Variants in PKHD1L1 observed in about 807,000 individuals in gnomAD.
PKHD1L1 encodes the protein fibrocystin-L.
Under a neutral mutation model 462.9 loss-of-function variants are expected in PKHD1L1, and 434 were observed. That is an observed-to-expected ratio of 0.94 (90% CI 0.87 to 1.02). The LOEUF is 1.02. Ranked by LOEUF, PKHD1L1 falls within the 50% of genes least tolerant of loss-of-function variation. The pLI is 0.00. For synonymous variants in PKHD1L1, 1,781 were observed against 1,750.0 expected (o/e 1.02, Z -0.44); for missense variants, 5,202 against 5,096.1 (o/e 1.02, Z -0.63).
intron 2 of PKHD1L1, among the ~76,000 whole-genome samples, chr8:109,377,591 T>A (rs1021816278): frequency 6.6e-6 from 1 of 152,180 alleles, no homozygotes; most frequent in African/African-American, 2.4e-5. Context: ...ATTCACATAC[T>A]GTTAGAATTC....
At chr8:109,392,600 C>T (rs1208751128) in intron 9 of PKHD1L1, among the ~76,000 whole-genome samples, 1 of 151,428 alleles carries the variant, frequency 6.6e-6, no homozygotes, top group Non-Finnish European at 1.5e-5. Context: ...TTTAAGATAA[C>T]AGAAATATGA....
intron 29 of PKHD1L1, among the ~76,000 whole-genome samples, chr8:109,435,659 C>T (rs963217976): frequency 6.6e-6 from 1 of 152,164 alleles, no homozygotes; most frequent in South Asian, 2.1e-4. Context: ...TATTATTCTG[C>T]TTACCAGCTG....
chr8:109,480,125 T>G lies in PKHD1L1; in HGVS notation c.9313T>G (p.Tyr3105Asp), dbSNP rs774217185. The G allele has an allele frequency of 1.3e-6, 2 of 1,568,462 alleles. No homozygotes were observed. The highest frequency in any genetic ancestry group is 3.8e-5 in the Admixed American group (2 of 52,788). Residue 3105 changes from tyrosine (Y) to aspartate (D), a missense_variant, in exon 55 of 78, where the codon TAC becomes GAC. This residue lies in a region of PKHD1L1 where 4,497 missense variants were observed against 4,336.8 expected (regional missense o/e 1.04). Coordinates refer to ENST00000378402, the MANE Select transcript of PKHD1L1 (RefSeq NM_177531.6). ...SYREVVLNAT[Y>D]ISLQGGRLIG... ...CAGAGAAGTTGTTTTGAATGCTACC[T>G]ACATATCACTGCAGGTAAGAGTGAG... is the stretch of plus-strand genomic sequence containing the variant.
At chr8:109,396,567 C>T (rs1335659933) in intron 11 of PKHD1L1, among the ~76,000 whole-genome samples, 2 of 152,166 alleles carry the variant, frequency 1.3e-5, no homozygotes, top group Admixed American at 6.5e-5. Context: ...ATATACTGTG[C>T]CTCATCTGGA....
intron 33 of PKHD1L1, 107 bp downstream of exon 33, chr8:109,440,959 T>C (rs1785207251): frequency 1.5e-6 from 2 of 1,328,124 alleles, no homozygotes; most frequent in Non-Finnish European, 2.0e-6. Context: ...GCTTTATTTT[T>C]CTAGTAGCAT....
At chr8:109,375,070 C>T (rs1316478744) in intron 2 of PKHD1L1, among the ~76,000 whole-genome samples, 3 of 152,184 alleles carry the variant, frequency 2.0e-5, no homozygotes, top group Non-Finnish European at 4.4e-5. Context: ...TGGGGAAGTT[C>T]TCCTGGATAA....
chr8:109,408,302 C>A (rs1324246096), intron 18 of PKHD1L1, 96 bp downstream of exon 18: 4 of 1,114,940 alleles, frequency 3.6e-6, no homozygotes, highest in East Asian at 2.7e-5. Flanking sequence ...GATGTTACTT[C>A]AAAAAAAATC....
At chr8:109,514,231 C>T (rs909981996) in intron 71 of PKHD1L1, among the ~76,000 whole-genome samples, 2 of 152,132 alleles carry the variant, frequency 1.3e-5, no homozygotes, top group Admixed American at 6.6e-5. Flanking sequence ...CCTCAGATTC[C>T]ACTTTCTCAA....
intron 2 of PKHD1L1, among the ~76,000 whole-genome samples, chr8:109,369,563 G>C (rs1431566629): frequency 6.6e-6 from 1 of 151,826 alleles, no homozygotes; most frequent in African/African-American, 2.4e-5. Flanking sequence ...TTGTTGTCTT[G>C]AGAATGCTGA....
intron 45 of PKHD1L1, among the ~76,000 whole-genome samples, chr8:109,455,370 A>C (rs1022484121): frequency 6.6e-6 from 1 of 151,978 alleles, no homozygotes; most frequent in Admixed American, 6.6e-5. Flanking sequence ...CAAACAAACA[A>C]AACCAAAAAA....
chr8:109,425,292 A>C, intron 24 of PKHD1L1, 60 bp downstream of exon 24: 1 of 1,326,694 alleles, frequency 7.5e-7, no homozygotes, highest in East Asian at 2.7e-5. Context: ...TAACCTTATA[A>C]AGTGTTAAAT....
chr8:109,464,661 AAT>A lies in PKHD1L1; in HGVS notation c.7830_7831del (p.Glu2610AspfsTer3), dbSNP rs1491467553. The stretch of plus-strand genomic sequence containing the variant: ...TGTCAAAAAAGAGTTCCCCTTGGCG[AAT>A]TTTTTAACAATACTGTCCATTCTCA... On this transcript the variant is annotated frameshift_variant, in exon 49 of 78. Coordinates refer to ENST00000378402, the MANE Select transcript of PKHD1L1 (RefSeq NM_177531.6). LOFTEE classifies it high-confidence loss of function. The A allele has an allele frequency of 3.1e-6, 5 of 1,613,174 alleles. No homozygotes were observed. Among genetic ancestry groups the A allele is most frequent in the Non-Finnish European group, 4.2e-6 (5 of 1,179,778 alleles).
Position 109,425,070 on chromosome 8 carries a change from T to A in PKHD1L1, c.2698-15T>A. 1 of 1,545,556 alleles carries A rather than the reference T, an allele frequency of 6.5e-7. No homozygotes were observed. Among genetic ancestry groups the A allele is most frequent in the Non-Finnish European group, 8.7e-7 (1 of 1,149,026 alleles). On this transcript the variant is annotated splice_polypyrimidine_tract_variant and intron_variant, in intron 23 of 77. Coordinates refer to ENST00000378402, the MANE Select transcript of PKHD1L1 (RefSeq NM_177531.6). ...TAAGTTTAATCATTTTATCAATATT[T>A]ATTTTGGAAATTAGATAATCACACA... is the stretch of plus-strand genomic sequence containing the variant.
chr8:109,369,401 TAAC>T (rs1251154991), intron 2 of PKHD1L1, among the ~76,000 whole-genome samples: 1 of 152,210 alleles, frequency 6.6e-6, no homozygotes, highest in African/African-American at 2.4e-5. Context: ...ATATTAATAA[TAAC>T]ATTTATGAAT....
rs111618982 is a variant in PKHD1L1, at chr8:109,459,579, G to A, written c.7005-16G>A. 6.8e-7 allele frequency: 1 copy of A among 1,479,654 alleles called. No individual in the cohort carries two copies. Among genetic ancestry groups the A allele is most frequent in the Non-Finnish European group, 9.0e-7 (1 of 1,113,686 alleles). 91.7% of individuals were successfully genotyped at this position (1,479,654 alleles called of 1,614,324 possible). On this transcript the variant is annotated splice_polypyrimidine_tract_variant and intron_variant, in intron 46 of 77. Coordinates refer to ENST00000378402, the MANE Select transcript of PKHD1L1 (RefSeq NM_177531.6). ...TTTATATTAATTTTAAAATTTTTTT[G>A]TCAAAATTTTTACAGACACAGTCAA...
At chr8:109,436,781 G>A (rs1225388131) in intron 30 of PKHD1L1, among the ~76,000 whole-genome samples, 1 of 152,096 alleles carries the variant, frequency 6.6e-6, no homozygotes, top group Non-Finnish European at 1.5e-5. Context: ...GTCAGAAACA[G>A]TTTCACAGAA....
chr8:109,438,373 C>A lies in PKHD1L1; in HGVS notation c.3677C>A (p.Ala1226Asp). The change falls in exon 31 of 78, where the codon GCC becomes GAC. Residue 1226 changes from alanine (A) to aspartate (D), a missense_variant. By Grantham distance (126) the Ala-to-Asp change is moderately radical. Transcript: ENST00000378402. ...TCAGTTACTACCAATGGATTTCAAGCCACAGCAAGGGATGCTTTTAGTTAT... is the reference window on the plus strand; with the variant it reads ...TCAGTTACTACCAATGGATTTCAAGACACAGCAAGGGATGCTTTTAGTTAT... ...DISVTTNGFQ[A>D]TARDAFSYNC... 1 of 1,541,996 alleles carries A rather than the reference C, an allele frequency of 6.5e-7. No homozygotes were observed.
chr8:109,427,821 G>A (rs1445867509), intron 25 of PKHD1L1, among the ~76,000 whole-genome samples: 1 of 151,768 alleles, frequency 6.6e-6, no homozygotes, highest in Non-Finnish European at 1.5e-5. Context: ...AGTTCGAGAT[G>A]AGCCTGACCA....
intron 21 of PKHD1L1, among the ~76,000 whole-genome samples, chr8:109,417,231 G>C (rs984122184): frequency 1.3e-5 from 2 of 151,942 alleles, no homozygotes; most frequent in African/African-American, 2.4e-5. Context: ...AATGATAAAG[G>C]CTTGAGGGGA....
Sources: allele counts gnomAD v4.1 joint callset (sites outside exome capture counted in the v4.1 genomes callset), GRCh38; gene constraint gnomAD v4.1.1; regional missense constraint gnomAD v4.1.1; transcripts MANE v1.5; gene names NCBI Gene and HGNC (gene_info 2026-07-23, HGNC 2026-07-21).